The following KCNQ5 variants were observed in gnomAD, a reference collection of about 807,000 sequenced individuals.
The protein encoded by KCNQ5 is potassium voltage-gated channel subfamily KQT member 5.
KCNQ5 carries 30 observed loss-of-function variants against 98.2 expected under a neutral mutation model. The ratio of observed to expected loss-of-function variants is 0.31; its 90% confidence interval spans 0.23 to 0.41. The LOEUF (loss-of-function observed/expected upper bound fraction) is 0.41, where lower values mean the gene tolerates loss of function less well. Ranked by LOEUF, KCNQ5 falls within the 10% of genes least tolerant of loss-of-function variation. The pLI is 1.00. For synonymous variants in KCNQ5, 458 were observed against 449.4 expected (o/e 1.02, Z -0.24); for missense variants, 835 against 1,182.5 (o/e 0.71, Z 4.31).
chr6:72,738,655 G>A (rs1234942274), intron 1 of KCNQ5, among the ~76,000 whole-genome samples: 1 of 152,144 alleles, frequency 6.6e-6, no homozygotes, highest in Non-Finnish European at 1.5e-5. Context: ...CAACCAAGAT[G>A]TCCTTCAGTA....
intron 1 of KCNQ5, among the ~76,000 whole-genome samples, chr6:72,667,227 G>A (rs1475382020): frequency 6.6e-6 from 1 of 152,070 alleles, no homozygotes; most frequent in African/African-American, 2.4e-5. Flanking sequence ...AAGGGGAGTG[G>A]AATGGGCTTG....
intron 1 of KCNQ5, among the ~76,000 whole-genome samples, chr6:72,646,380 G>A (rs1435872528): frequency 6.6e-6 from 1 of 152,040 alleles, no homozygotes; most frequent in East Asian, 1.9e-4. Context: ...TTTTGTAAAT[G>A]TATGGACCTC....
chr6:72,640,826 C>T (rs1442756075), intron 1 of KCNQ5: 1 of 152,120 alleles, frequency 6.6e-6, no homozygotes, highest in African/African-American at 2.4e-5. Flanking sequence ...ATAGAAATGA[C>T]TTCAGTTGTA....
intron 10 of KCNQ5, among the ~76,000 whole-genome samples, chr6:73,155,530 G>A (rs55756640): frequency 0.023 from 3,565 of 152,262 alleles, 67 homozygotes; most frequent in South Asian, 0.035. Context: ...GAATGGGATG[G>A]AAAGGCCATT....
chr6:72,847,194 T>G (rs752302876), intron 1 of KCNQ5, among the ~76,000 whole-genome samples: 1 of 152,186 alleles, frequency 6.6e-6, no homozygotes, highest in Non-Finnish European at 1.5e-5. Context: ...AGATGGAGTT[T>G]CACTCTTATT....
chr6:72,976,223 G>T (rs1768154527), intron 1 of KCNQ5, among the ~76,000 whole-genome samples: 1 of 151,944 alleles, frequency 6.6e-6, no homozygotes, highest in Non-Finnish European at 1.5e-5. Context: ...TTATCATATA[G>T]TCATAGAAAA....
At chr6:72,736,308 A>T (rs1770829302) in intron 1 of KCNQ5, among the ~76,000 whole-genome samples, 1 of 152,088 alleles carries the variant, frequency 6.6e-6, no homozygotes, top group East Asian at 1.9e-4. Context: ...AGTGGCAGCA[A>T]TCTCAATGTC....
intron 1 of KCNQ5, among the ~76,000 whole-genome samples, chr6:72,788,925 T>C (rs149333151): frequency 7.2e-5 from 11 of 152,358 alleles, no homozygotes; most frequent in African/African-American, 2.6e-4. Context: ...TCTCAATAGC[T>C]GTAGGTATTG....
intron 1 of KCNQ5, chr6:72,967,578 T>G (rs924762053): frequency 6.5e-6 from 1 of 152,900 alleles, no homozygotes; most frequent in Non-Finnish European, 1.5e-5. Flanking sequence ...ACTACAAGGG[T>G]CTCAAAAAGG....
intron 1 of KCNQ5, among the ~76,000 whole-genome samples, chr6:72,968,926 C>T (rs1391988330): frequency 6.6e-6 from 1 of 152,160 alleles, no homozygotes; most frequent in East Asian, 1.9e-4. Flanking sequence ...TCTTACTAAG[C>T]TTCCCTTTGG....
chr6:72,634,586 G>A (rs1167283536), intron 1 of KCNQ5, among the ~76,000 whole-genome samples: 1 of 152,134 alleles, frequency 6.6e-6, no homozygotes, highest in East Asian at 1.9e-4. Context: ...TTGTTTTAGA[G>A]ACAGAGAGTC....
At chr6:72,782,996 T>C (rs566007330) in intron 1 of KCNQ5, among the ~76,000 whole-genome samples, 2 of 152,300 alleles carry the variant, frequency 1.3e-5, no homozygotes, top group South Asian at 4.1e-4. Context: ...ACAGGTTTTT[T>C]AGTAGAGCAG....
At chr6:72,623,386 C>A (rs2098916480) in intron 1 of KCNQ5, among the ~76,000 whole-genome samples, 1 of 47,122 alleles carries the variant, frequency 2.1e-5, no homozygotes. Context: ...GGCGCGGAGT[C>A]AAAGAGTGTG....
Position 72,706,663 on chromosome 6 carries a change from TA to T in KCNQ5, c.398+84079del, listed in dbSNP as rs1769100642. ...TTAGTCAGTTCCTAATACAGCAACC[TA>T]AACTGATGTCATAGAGGCCTTCCTT... On this transcript the variant is annotated intron_variant, in intron 1 of 13. Transcript: ENST00000370398. Among the ~76,000 whole-genome samples the T allele has an allele frequency of 2.6e-5, 4 of 152,160 alleles. No individual in the cohort carries two copies. In the South Asian group the frequency reaches 8.3e-4, roughly 31 times the overall value.
intron 1 of KCNQ5, among the ~76,000 whole-genome samples, chr6:72,885,327 G>T (rs1032914476): frequency 6.6e-6 from 1 of 152,064 alleles, no homozygotes; most frequent in African/African-American, 2.4e-5. Context: ...CCCTCAGGAT[G>T]AACACAATCA....
intron 1 of KCNQ5, among the ~76,000 whole-genome samples, chr6:72,829,766 A>C (rs568805242): frequency 6.6e-6 from 1 of 152,294 alleles, no homozygotes; most frequent in South Asian, 2.1e-4. Flanking sequence ...TGGAATGAAT[A>C]GATGTTTGAG....
At chr6:72,874,982 A>G (rs575830772) in intron 1 of KCNQ5, among the ~76,000 whole-genome samples, 3 of 152,196 alleles carry the variant, frequency 2.0e-5, no homozygotes, top group South Asian at 4.2e-4. Flanking sequence ...TACTTTGGGG[A>G]TGTGGTTCTG....
chr6:72,727,600 T>A (rs577768329), intron 1 of KCNQ5, among the ~76,000 whole-genome samples: 2 of 152,326 alleles, frequency 1.3e-5, no homozygotes, highest in South Asian at 4.1e-4. Flanking sequence ...AATCAATAGC[T>A]AGCAACTGGT....
At chr6:73,103,782 C>T (rs1003387505) in intron 5 of KCNQ5, among the ~76,000 whole-genome samples, 12 of 151,746 alleles carry the variant, frequency 7.9e-5, no homozygotes, top group Admixed American at 5.9e-4. Context: ...GAGTGAATAA[C>T]GTCTAGTATT....
Sources: gnomAD v4.1 joint callset for allele counts (sites outside exome capture counted in the v4.1 genomes callset) on GRCh38, gnomAD v4.1.1 for gene constraint, MANE v1.5 for transcripts, NCBI Gene and HGNC (gene_info 2026-07-23, HGNC 2026-07-21) for gene names.